The following NAALADL2 variants were observed in gnomAD, a reference collection of about 807,000 sequenced individuals.
NAALADL2 encodes inactive N-acetylated-alpha-linked acidic dipeptidase-like protein 2.
Under a neutral mutation model 87.2 loss-of-function variants are expected in NAALADL2, and 76 were observed. That is an observed-to-expected ratio of 0.87 (90% CI 0.72 to 1.05). The LOEUF (loss-of-function observed/expected upper bound fraction) is 1.05, where lower values mean the gene tolerates loss of function less well. NAALADL2 is among the 50% of genes least tolerant of loss of function. The pLI, the probability that NAALADL2 is intolerant of heterozygous loss-of-function variation, is 0.00. For missense variants in NAALADL2, 1,089 were observed against 945.8 expected, an observed-to-expected ratio of 1.15 and a Z score of -1.99; for synonymous variants, 354 against 331.0, an observed-to-expected ratio of 1.07 and a Z score of -0.75.
chr3:174,595,184 GA>G (rs1560079289), intron 2 of NAALADL2, among the ~76,000 whole-genome samples: 6 of 152,054 alleles, frequency 3.9e-5, no homozygotes, highest in African/African-American at 1.4e-4. Flanking sequence ...TCATGAGCTG[GA>G]GGGTGCCACT....
chr3:175,008,961 G>GA (rs1749421600), intron 1 of NAALADL2, among the ~76,000 whole-genome samples: 2 of 152,024 alleles, frequency 1.3e-5, no homozygotes, highest in Non-Finnish European at 1.5e-5. Flanking sequence ...AGTCTTTTGT[G>GA]AAAAAAGACA....
chr3:175,601,497 C>T (rs74460760), intron 10 of NAALADL2, among the ~76,000 whole-genome samples: 55 of 152,036 alleles, frequency 3.6e-4, no homozygotes, highest in African/African-American at 1.2e-3. Context: ...GGATATCTGG[C>T]GATATGGAGC....
intron 9 of NAALADL2, among the ~76,000 whole-genome samples, chr3:175,565,108 C>T (rs1716897735): frequency 6.6e-6 from 1 of 152,140 alleles, no homozygotes; most frequent in Admixed American, 6.5e-5. Flanking sequence ...ATTCCTTGTT[C>T]CCTTAGCTAA....
At chr3:175,107,225 T>C (rs1325550202) in intron 2 of NAALADL2, among the ~76,000 whole-genome samples, 1 of 151,998 alleles carries the variant, frequency 6.6e-6, no homozygotes, top group Non-Finnish European at 1.5e-5. Flanking sequence ...TAAGATGAGA[T>C]TGAGATATAA....
rs1342637632 is a variant in NAALADL2, at chr3:175,646,575, A to C, written c.1896+19189A>C. On this transcript the variant is annotated intron_variant, in intron 11 of 13. Coordinates refer to ENST00000454872, the MANE Select transcript of NAALADL2 (RefSeq NM_207015.3). ...GTCATTAGTTTTACCTTTGGGATTT[A>C]TGGTGTCAGTTAGCCTATTCCTCTA... Among the ~76,000 whole-genome samples, 5 of 152,066 alleles carry C rather than the reference A, an allele frequency of 3.3e-5. No homozygotes were observed. The East Asian group carries it at 9.6e-4, about 29-fold the overall frequency.
intron 3 of NAALADL2, among the ~76,000 whole-genome samples, chr3:174,747,141 A>C (rs942850205): frequency 6.6e-6 from 1 of 152,126 alleles, no homozygotes; most frequent in African/African-American, 2.4e-5. Flanking sequence ...GTGAAGAAAA[A>C]ACCTACAGAA....
At chr3:175,294,366 A>AT (rs974526035) in intron 4 of NAALADL2, among the ~76,000 whole-genome samples, 1 of 152,028 alleles carries the variant, frequency 6.6e-6, no homozygotes, top group African/African-American at 2.4e-5. Context: ...TGTATAGAAA[A>AT]AAAAAAGGAT....
intron 3 of NAALADL2, among the ~76,000 whole-genome samples, chr3:174,747,084 T>A (rs1329894846): frequency 6.6e-6 from 1 of 152,144 alleles, no homozygotes; most frequent in Non-Finnish European, 1.5e-5. Flanking sequence ...AAATGGGATC[T>A]AATTAAACTA....
intron 2 of NAALADL2, among the ~76,000 whole-genome samples, chr3:175,202,440 G>C (rs1687131951): frequency 6.6e-6 from 1 of 152,162 alleles, no homozygotes; most frequent in Non-Finnish European, 1.5e-5. Flanking sequence ...GTGGGTTCAA[G>C]AATGCTTAAC....
intron 2 of NAALADL2, chr3:175,124,748 A>G (rs1447868568): frequency 1.3e-5 from 2 of 152,084 alleles, no homozygotes; most frequent in South Asian, 4.1e-4. Flanking sequence ...AATATATCAT[A>G]TGACACATTC....
intron 11 of NAALADL2, among the ~76,000 whole-genome samples, chr3:175,717,803 A>ATTTT (rs10575051): frequency 4.2e-5 from 5 of 117,880 alleles, no homozygotes; most frequent in Non-Finnish European, 6.7e-5. Flanking sequence ...AAGAGAGCAG[A>ATTTT]TTTTTTTTTT....
At chr3:175,092,009 T>G (rs1720227647) in intron 1 of NAALADL2, among the ~76,000 whole-genome samples, 1 of 151,930 alleles carries the variant, frequency 6.6e-6, no homozygotes, top group East Asian at 1.9e-4. Flanking sequence ...TATTTCTATT[T>G]TCTTAGCTCT....
intron 11 of NAALADL2, among the ~76,000 whole-genome samples, chr3:175,650,588 G>T (rs1730634816): frequency 1.3e-5 from 2 of 152,026 alleles, no homozygotes; most frequent in South Asian, 4.1e-4. Flanking sequence ...TGAAATTCTT[G>T]CCAGTTTCCA....
intron 1 of NAALADL2, among the ~76,000 whole-genome samples, chr3:174,973,983 C>T (rs953948677): frequency 6.6e-6 from 1 of 152,126 alleles, no homozygotes; most frequent in African/African-American, 2.4e-5. Context: ...TAACCTGTAT[C>T]TATGTAAATT....
intron 2 of NAALADL2, 49 bp from the exon 3 acceptor site, chr3:175,233,882 A>G: frequency 9.2e-7 from 1 of 1,088,620 alleles, no homozygotes; most frequent in Non-Finnish European, 1.3e-6. Flanking sequence ...TCTCAAAAGA[A>G]TAAAGTATTC....
At chr3:174,555,239 AT>A (rs1712617489) in intron 2 of NAALADL2, among the ~76,000 whole-genome samples, 2 of 152,178 alleles carry the variant, frequency 1.3e-5, no homozygotes, top group Admixed American at 1.3e-4. Flanking sequence ...AGCATAACAA[AT>A]TTATTTAATA....
chr3:174,738,443 G>A (rs1313819116), intron 3 of NAALADL2, among the ~76,000 whole-genome samples: 1 of 152,158 alleles, frequency 6.6e-6, no homozygotes, highest in Non-Finnish European at 1.5e-5. Flanking sequence ...GATTAAATAA[G>A]GGAAAGGTGG....
chr3:175,365,750 A>T (rs976016461), intron 5 of NAALADL2, among the ~76,000 whole-genome samples: 2 of 147,572 alleles, frequency 1.4e-5, no homozygotes, highest in East Asian at 2.0e-4. Flanking sequence ...AACATTAATT[A>T]TGAGGCTTTG....
intron 5 of NAALADL2, among the ~76,000 whole-genome samples, chr3:175,416,999 T>A (rs1289884556): frequency 6.6e-6 from 1 of 151,198 alleles, no homozygotes; most frequent in East Asian, 1.9e-4. Context: ...ATGGACTTTA[T>A]AGAGCACTAA....
Sources: allele counts gnomAD v4.1 joint callset (sites outside exome capture counted in the v4.1 genomes callset), GRCh38; gene constraint gnomAD v4.1.1; transcripts MANE v1.5; gene names NCBI Gene and HGNC (gene_info 2026-07-23, HGNC 2026-07-21).